CPNE8: variants seen among roughly 807,000 people sequenced by gnomAD.
CPNE8 encodes the protein copine-8.
Under a neutral mutation model 81.5 loss-of-function variants are expected in CPNE8, and 45 were observed. The ratio of observed to expected loss-of-function variants is 0.55; its 90% CI spans 0.44 to 0.71. The LOEUF is 0.71. Among genes scored for constraint, CPNE8 ranks in the 30% least tolerant of loss-of-function variants. The pLI is 0.00. For synonymous variants in CPNE8, 252 were observed against 226.3 expected (o/e 1.11, Z -1.02); for missense variants, 594 against 672.1 (o/e 0.88, Z 1.28).
chr12:38,762,780 G>T (rs1420042398), intron 8 of CPNE8, among the ~76,000 whole-genome samples: 1 of 152,196 alleles, frequency 6.6e-6, no homozygotes, highest in East Asian at 1.9e-4. Flanking sequence ...TAACAGCAAG[G>T]TTGTCTGGTA....
chr12:38,865,453 G>T (rs1197183877), intron 3 of CPNE8, among the ~76,000 whole-genome samples: 1 of 152,180 alleles, frequency 6.6e-6, no homozygotes, highest in Non-Finnish European at 1.5e-5. Flanking sequence ...GCAGCAACAG[G>T]CATGAACAAC....
intron 1 of CPNE8, among the ~76,000 whole-genome samples, chr12:38,903,861 C>T (rs1944524750): frequency 6.6e-6 from 1 of 152,148 alleles, no homozygotes; most frequent in Non-Finnish European, 1.5e-5. Flanking sequence ...AAAGCAGTGA[C>T]AGCAATGAGG....
chr12:38,824,950 A>C (rs907529493), intron 6 of CPNE8, among the ~76,000 whole-genome samples: 1 of 152,186 alleles, frequency 6.6e-6, no homozygotes. Context: ...GAAAAACAGT[A>C]GAATGTTTAG....
At chr12:38,770,778 C>T (rs979558251) in intron 7 of CPNE8, among the ~76,000 whole-genome samples, 1 of 152,112 alleles carries the variant, frequency 6.6e-6, no homozygotes, top group African/African-American at 2.4e-5. Flanking sequence ...AATTCTTATC[C>T]TTGGGCTGGC....
At chr12:38,903,907 T>A (rs1257183375) in intron 1 of CPNE8, among the ~76,000 whole-genome samples, 1 of 152,164 alleles carries the variant, frequency 6.6e-6, no homozygotes, top group Non-Finnish European at 1.5e-5. Flanking sequence ...ATCAGCATGA[T>A]TATTTCCATA....
intron 10 of CPNE8, among the ~76,000 whole-genome samples, chr12:38,731,136 C>A (rs972924116): frequency 7.2e-5 from 11 of 152,054 alleles, no homozygotes; most frequent in African/African-American, 2.2e-4. Context: ...TGAACACACA[C>A]TGCTGAGAAG....
chr12:38,789,911 G>A (rs1273194064), intron 6 of CPNE8, among the ~76,000 whole-genome samples: 1 of 151,726 alleles, frequency 6.6e-6, no homozygotes, highest in African/African-American at 2.4e-5. Flanking sequence ...CATCACCCCA[G>A]TTCAAATGGC....
At chr12:38,904,162 T>C (rs1414616641) in intron 1 of CPNE8, among the ~76,000 whole-genome samples, 1 of 152,120 alleles carries the variant, frequency 6.6e-6, no homozygotes, top group Non-Finnish European at 1.5e-5. Flanking sequence ...CAAGGCAAGT[T>C]TGCTAAGGAA....
At chr12:38,859,333 T>C (rs1943794550) in intron 3 of CPNE8, among the ~76,000 whole-genome samples, 1 of 152,072 alleles carries the variant, frequency 6.6e-6, no homozygotes, top group African/African-American at 2.4e-5. Flanking sequence ...TAAGAGATAA[T>C]TTCTTTCTAA....
At chr12:38,682,023 C>T (rs1453950735) in intron 16 of CPNE8, among the ~76,000 whole-genome samples, 3 of 151,870 alleles carry the variant, frequency 2.0e-5, no homozygotes, top group East Asian at 1.9e-4. Context: ...AGTTGGAGAC[C>T]AGCCTGGCCA....
At chr12:38,734,706 T>G (rs1380469407) in intron 10 of CPNE8, among the ~76,000 whole-genome samples, 1 of 152,034 alleles carries the variant, frequency 6.6e-6, no homozygotes, top group Non-Finnish European at 1.5e-5. Flanking sequence ...AACCAGAGAA[T>G]TCATTTAATT....
intron 13 of CPNE8, among the ~76,000 whole-genome samples, chr12:38,719,060 T>C (rs964419019): frequency 6.6e-6 from 1 of 151,844 alleles, no homozygotes; most frequent in East Asian, 1.9e-4. Flanking sequence ...AAGCCTTCTG[T>C]AAAAATGCAA....
chr12:38,768,432 T>C (rs1041145933), intron 7 of CPNE8, among the ~76,000 whole-genome samples: 1 of 152,212 alleles, frequency 6.6e-6, no homozygotes, highest in African/African-American at 2.4e-5. Context: ...TAACACATTA[T>C]TGATAACCAT....
intron 6 of CPNE8, among the ~76,000 whole-genome samples, chr12:38,827,297 C>G (rs1184651391): frequency 6.6e-6 from 1 of 151,978 alleles, no homozygotes; most frequent in Non-Finnish European, 1.5e-5. Flanking sequence ...GTCAGAGTGG[C>G]TATTACTAAA....
chr12:38,672,540 C>A (rs916552769), intron 18 of CPNE8, among the ~76,000 whole-genome samples: 6 of 152,194 alleles, frequency 3.9e-5, no homozygotes, highest in African/African-American at 7.2e-5. Flanking sequence ...GTGTATGAGA[C>A]AGATTTGCAT....
intron 13 of CPNE8, among the ~76,000 whole-genome samples, chr12:38,717,429 G>GTGTATATATGTATATATATATATA (rs770984926): frequency 1.1e-5 from 1 of 87,052 alleles, no homozygotes; most frequent in African/African-American, 4.6e-5. Context: ...AAAGTGTGGT[G>GTGTATATATGTATATATATATATA]TATATATATA....
intron 2 of CPNE8, 65 bp downstream of exon 2, chr12:38,874,406 T>A: frequency 4.2e-6 from 5 of 1,185,956 alleles, no homozygotes; most frequent in Non-Finnish European, 6.3e-6. Context: ...AAACAAGAAC[T>A]ATGAGTTTCC....
At chr12:38,714,021 A>G (rs1940325907) in intron 13 of CPNE8, among the ~76,000 whole-genome samples, 1 of 152,062 alleles carries the variant, frequency 6.6e-6, no homozygotes, top group South Asian at 2.1e-4. Flanking sequence ...AACTTTATAG[A>G]TATTTGTTCC....
intron 10 of CPNE8, among the ~76,000 whole-genome samples, chr12:38,735,868 T>A (rs1217693681): frequency 1.3e-5 from 2 of 151,810 alleles, no homozygotes; most frequent in African/African-American, 4.8e-5. Flanking sequence ...CTGGTTCATG[T>A]TTTTACTATT....
Sources: allele counts gnomAD v4.1 joint callset (sites outside exome capture counted in the v4.1 genomes callset), GRCh38; gene constraint gnomAD v4.1.1; transcripts MANE v1.5; gene names NCBI Gene and HGNC (gene_info 2026-07-23, HGNC 2026-07-21).